Variants in PARD3 observed in about 807,000 individuals in gnomAD.
The protein encoded by PARD3 is par-3 family cell polarity regulator, also known as partitioning defective 3 homolog.
A neutral mutation model predicts 155.4 loss-of-function variants in PARD3; 75 were observed. The ratio of observed to expected loss-of-function variants is 0.48; its 90% confidence interval spans 0.40 to 0.58. PARD3 has a LOEUF of 0.58. PARD3 is among the 20% of genes least tolerant of loss of function. The pLI is 0.00. For synonymous variants in PARD3, 576 were observed against 610.5 expected (o/e 0.94, Z 0.83); for missense variants, 1,642 against 1,721.7 (o/e 0.95, Z 0.82).
intron 22 of PARD3, among the ~76,000 whole-genome samples, chr10:34,184,564 G>C (rs1950402610): frequency 6.6e-6 from 1 of 152,160 alleles, no homozygotes; most frequent in Non-Finnish European, 1.5e-5. Flanking sequence ...GGGGCAGACT[G>C]CCCAGAGCGT....
intron 2 of PARD3, among the ~76,000 whole-genome samples, chr10:34,652,320 AGGCTATT>A (rs1367045882): frequency 6.6e-6 from 1 of 152,204 alleles, no homozygotes; most frequent in Non-Finnish European, 1.5e-5. Flanking sequence ...GCAAGGACAG[AGGCTATT>A]GGCTGAGATG....
At chr10:34,421,739 G>C (rs1466242637) in intron 5 of PARD3, among the ~76,000 whole-genome samples, 1 of 152,130 alleles carries the variant, frequency 6.6e-6, no homozygotes, top group Non-Finnish European at 1.5e-5. Flanking sequence ...GAACAAAACG[G>C]AAAAGATTTC....
At chr10:34,693,363 T>C (rs1264867173) in intron 2 of PARD3, among the ~76,000 whole-genome samples, 1 of 152,152 alleles carries the variant, frequency 6.6e-6, no homozygotes, top group African/African-American at 2.4e-5. Flanking sequence ...TATCTTTCAG[T>C]GGTAGAGTGG....
At chr10:34,172,430 A>C (rs1450753760) in intron 22 of PARD3, among the ~76,000 whole-genome samples, 1 of 152,196 alleles carries the variant, frequency 6.6e-6, no homozygotes, top group Non-Finnish European at 1.5e-5. Flanking sequence ...AAAAGCTCCA[A>C]CATAACAGAA....
At chr10:34,291,726 T>C (rs972265980) in intron 20 of PARD3, among the ~76,000 whole-genome samples, 4 of 152,218 alleles carry the variant, frequency 2.6e-5, no homozygotes, top group African/African-American at 7.2e-5. Context: ...ATACTGAAAG[T>C]AGCTGGTTAA....
Position 34,335,529 on chromosome 10 carries a change from C to T in PARD3, c.2605+670G>A, listed in dbSNP as rs549975085. ...CATACAATAACATAAAAAGCAAAAT[C>T]GATGACTATAATGCAATCCCAGTTC... On this transcript the variant is annotated intron_variant, in intron 18 of 24. Coordinates refer to ENST00000374788, the MANE Select transcript of PARD3 (RefSeq NM_001184785.2). 1.1e-4 allele frequency among the ~76,000 whole-genome samples: 17 copies of T among 152,068 alleles called. 1 individual carries two copies. The South Asian group carries it at 2.7e-3, about 24-fold the overall frequency.
At chr10:34,250,968 C>A (rs1954272278) in intron 22 of PARD3, among the ~76,000 whole-genome samples, 1 of 152,170 alleles carries the variant, frequency 6.6e-6, no homozygotes, top group African/African-American at 2.4e-5. Context: ...AGGCCTGAGG[C>A]CTGCACGATC....
chr10:34,381,575 A>G (rs1409178551), intron 9 of PARD3, among the ~76,000 whole-genome samples: 1 of 152,184 alleles, frequency 6.6e-6, no homozygotes, highest in Non-Finnish European at 1.5e-5. Flanking sequence ...ACTAAAATAC[A>G]TAATGGATGG....
intron 20 of PARD3, among the ~76,000 whole-genome samples, chr10:34,312,072 T>C (rs1164733231): frequency 3.3e-5 from 5 of 152,116 alleles, no homozygotes; most frequent in Non-Finnish European, 7.4e-5. Flanking sequence ...GAGAGGACTA[T>C]GGTTTTCCAC....
intron 2 of PARD3, among the ~76,000 whole-genome samples, chr10:34,687,633 T>C (rs1229024504): frequency 6.6e-6 from 1 of 151,948 alleles, no homozygotes; most frequent in East Asian, 1.9e-4. Flanking sequence ...AAACAGAACA[T>C]ACATGACATC....
intron 2 of PARD3, among the ~76,000 whole-genome samples, chr10:34,545,777 C>T (rs1169538671): frequency 2.0e-5 from 3 of 152,122 alleles, no homozygotes; most frequent in Non-Finnish European, 2.9e-5. Context: ...AGACTGGTCT[C>T]GAACTTCTGA....
chr10:34,443,262 ATTTAC>A, intron 5 of PARD3, among the ~76,000 whole-genome samples: 1 of 152,346 alleles, frequency 6.6e-6, no homozygotes, highest in African/African-American at 2.4e-5. Flanking sequence ...TAGTTTTTAA[ATTTAC>A]TTTTGCCCTC....
chr10:34,611,807 C>CA (rs1420037513), intron 2 of PARD3, among the ~76,000 whole-genome samples: 6 of 109,236 alleles, frequency 5.5e-5, no homozygotes, highest in Non-Finnish European at 1.8e-5. Flanking sequence ...ACATTTCTTT[C>CA]TTTTTTTTTT....
At chr10:34,317,702 T>C (rs1380571261) in intron 19 of PARD3, among the ~76,000 whole-genome samples, 1 of 152,188 alleles carries the variant, frequency 6.6e-6, no homozygotes, top group East Asian at 1.9e-4. Flanking sequence ...ATTTGCAAGA[T>C]GAAAAGAAAG....
At chr10:34,733,764 T>C (rs545270033) in intron 1 of PARD3, among the ~76,000 whole-genome samples, 2 of 152,366 alleles carry the variant, frequency 1.3e-5, no homozygotes, top group East Asian at 1.9e-4. Context: ...CCTCCCAAAG[T>C]GCTGGGATTA....
chr10:34,118,533 A>G (rs1946807357), intron 24 of PARD3, among the ~76,000 whole-genome samples: 1 of 151,840 alleles, frequency 6.6e-6, no homozygotes, highest in Non-Finnish European at 1.5e-5. Flanking sequence ...TTTTATGGAG[A>G]TAGTGTTTTG....
intron 22 of PARD3, among the ~76,000 whole-genome samples, chr10:34,142,969 T>A (rs952812900): frequency 2.6e-5 from 4 of 152,130 alleles, no homozygotes; most frequent in African/African-American, 4.8e-5. Context: ...AAATTCAATG[T>A]TACAGGTGAA....
chr10:34,263,177 C>T (rs982018737), intron 22 of PARD3, among the ~76,000 whole-genome samples: 2 of 152,180 alleles, frequency 1.3e-5, no homozygotes, highest in Non-Finnish European at 2.9e-5. Context: ...GAGTAAAAGC[C>T]CATTTCCTAA....
intron 2 of PARD3, among the ~76,000 whole-genome samples, chr10:34,601,541 T>C (rs1406926511): frequency 6.6e-6 from 1 of 152,190 alleles, no homozygotes. Flanking sequence ...GAACATTATT[T>C]TTCACATGGA....
Sources: gnomAD v4.1 joint callset for allele counts (sites outside exome capture counted in the v4.1 genomes callset) on GRCh38, gnomAD v4.1.1 for gene constraint, MANE v1.5 for transcripts, NCBI Gene and HGNC (gene_info 2026-07-23, HGNC 2026-07-21) for gene names.